Variants in SPIDR observed in about 807,000 individuals in gnomAD.
SPIDR encodes the protein DNA repair-scaffolding protein.
In SPIDR, 93 loss-of-function variants were observed where a neutral mutation model predicts 104.6. That is an observed-to-expected ratio of 0.89 (90% CI 0.75 to 1.06). SPIDR has a LOEUF of 1.06. SPIDR is among the 50% of genes least tolerant of loss of function. SPIDR has a pLI of 0.00. For synonymous variants in SPIDR, 431 were observed against 416.9 expected (o/e 1.03, Z -0.41); for missense variants, 1,154 against 1,111.2 (o/e 1.04, Z -0.55).
chr8:47,391,971 C>A (rs1200652538), intron 5 of SPIDR, among the ~76,000 whole-genome samples: 1 of 131,946 alleles, frequency 7.6e-6, no homozygotes, highest in Non-Finnish European at 1.5e-5. Flanking sequence ...ACTCCAGCCT[C>A]GGCGACAGAG....
chr8:47,625,506 A>G (rs1031750871), intron 10 of SPIDR, among the ~76,000 whole-genome samples: 1 of 152,230 alleles, frequency 6.6e-6, no homozygotes, highest in Non-Finnish European at 1.5e-5. Context: ...TCAGCCCAAA[A>G]TCTCCTTAAG....
intron 10 of SPIDR, among the ~76,000 whole-genome samples, chr8:47,625,400 G>A (rs1198045215): frequency 1.3e-5 from 2 of 152,188 alleles, no homozygotes; most frequent in Non-Finnish European, 2.9e-5. Flanking sequence ...AGTCAGGCAG[G>A]AGAAGGAAAT....
At chr8:47,602,094 C>T (rs2062369018) in intron 10 of SPIDR, among the ~76,000 whole-genome samples, 1 of 152,208 alleles carries the variant, frequency 6.6e-6, no homozygotes, top group Admixed American at 6.5e-5. Context: ...CATTCTAAGG[C>T]AGTTTTTTAT....
chr8:47,433,011 A>G (rs1470328032), intron 7 of SPIDR, among the ~76,000 whole-genome samples: 2 of 152,194 alleles, frequency 1.3e-5, no homozygotes, highest in East Asian at 3.9e-4. Flanking sequence ...TGATACCAGT[A>G]TTCTCATACT....
intron 8 of SPIDR, among the ~76,000 whole-genome samples, chr8:47,481,911 A>G (rs956219229): frequency 1.3e-5 from 2 of 152,228 alleles, no homozygotes; most frequent in African/African-American, 4.8e-5. Context: ...TCTGCCTTCA[A>G]TTGCAAATAG....
chr8:47,585,609 G>T (rs1011197339), intron 8 of SPIDR, among the ~76,000 whole-genome samples: 2 of 152,074 alleles, frequency 1.3e-5, no homozygotes, highest in Non-Finnish European at 2.9e-5. Flanking sequence ...TTATAAAGAA[G>T]AGGGATTTAT....
In SPIDR at chr8:47,644,065, T is replaced by A. The variant is rs542843638; in HGVS notation, c.1545-29736T>A. ...TACCCTCAGTCTGTCCTGGAACCTCTGCATTCCACCCTCAGTCTATCCTGG... is the reference window on the plus strand; with the variant it reads ...TACCCTCAGTCTGTCCTGGAACCTCAGCATTCCACCCTCAGTCTATCCTGG... On this transcript the variant is annotated intron_variant, in intron 10 of 19. Transcript: ENST00000297423. 1.1e-4 allele frequency among the ~76,000 whole-genome samples: 17 copies of A among 152,340 alleles called. No homozygotes were observed. The South Asian group carries it at 3.5e-3, about 32-fold the overall frequency.
intron 11 of SPIDR, among the ~76,000 whole-genome samples, chr8:47,678,579 G>A (rs890995282): frequency 6.6e-6 from 1 of 152,212 alleles, no homozygotes; most frequent in Admixed American, 6.5e-5. Context: ...GAGAGCGGAG[G>A]CTCAGAGCAC....
chr8:47,547,306 C>T (rs2089584722), intron 8 of SPIDR: 1 of 559,924 alleles, frequency 1.8e-6, no homozygotes, highest in African/African-American at 1.9e-5. Context: ...AAAATTCTCT[C>T]CCATCTAGTC....
At chr8:47,532,828 A>G (rs2086253188) in intron 8 of SPIDR, among the ~76,000 whole-genome samples, 1 of 152,258 alleles carries the variant, frequency 6.6e-6, no homozygotes, top group Non-Finnish European at 1.5e-5. Flanking sequence ...AGCAGAATAT[A>G]CATTCTTCTC....
At chr8:47,368,091 A>C (rs891929424) in intron 5 of SPIDR, among the ~76,000 whole-genome samples, 6 of 152,036 alleles carry the variant, frequency 3.9e-5, no homozygotes, top group Non-Finnish European at 5.9e-5. Context: ...CCTGGTTCAT[A>C]GGTAGCCATC....
At chr8:47,565,273 G>A (rs563406538) in intron 8 of SPIDR, among the ~76,000 whole-genome samples, 14 of 152,210 alleles carry the variant, frequency 9.2e-5, no homozygotes, top group African/African-American at 1.7e-4. Flanking sequence ...AGAGAGAAGA[G>A]AGAGAAATTG....
At chr8:47,566,988 A>G (rs769378574) in intron 8 of SPIDR, among the ~76,000 whole-genome samples, 4 of 152,212 alleles carry the variant, frequency 2.6e-5, no homozygotes, top group Non-Finnish European at 5.9e-5. Context: ...AAACTCTAAT[A>G]TATATAAGTC....
At chr8:47,401,894 T>A (rs574350663) in intron 6 of SPIDR, among the ~76,000 whole-genome samples, 20 of 152,192 alleles carry the variant, frequency 1.3e-4, no homozygotes, top group Admixed American at 1.2e-3. Context: ...GGGAGACTTG[T>A]ACACCCCACT....
intron 11 of SPIDR, among the ~76,000 whole-genome samples, chr8:47,691,058 G>A (rs915179449): frequency 6.6e-6 from 1 of 151,928 alleles, no homozygotes; most frequent in Admixed American, 6.6e-5. Flanking sequence ...TTTGGAGGCC[G>A]AGGAGAGCAG....
chr8:47,280,840 C>T (rs2037632147), intron 2 of SPIDR, among the ~76,000 whole-genome samples: 1 of 152,212 alleles, frequency 6.6e-6, no homozygotes, highest in Admixed American at 6.5e-5. Flanking sequence ...GCCCAGCTCA[C>T]ACCTGAACCT....
At chr8:47,552,461 T>G (rs1379131698) in intron 8 of SPIDR, among the ~76,000 whole-genome samples, 1 of 152,222 alleles carries the variant, frequency 6.6e-6, no homozygotes, top group Non-Finnish European at 1.5e-5. Flanking sequence ...GCTCCTGTAT[T>G]GGGTGCATAT....
intron 11 of SPIDR, among the ~76,000 whole-genome samples, chr8:47,675,599 C>A (rs937724525): frequency 1.3e-4 from 19 of 151,992 alleles, no homozygotes; most frequent in Non-Finnish European, 2.4e-4. Flanking sequence ...TCACTTGAGG[C>A]CAGGAGTTTG....
chr8:47,722,597 C>T (rs963881597), intron 16 of SPIDR, among the ~76,000 whole-genome samples: 1 of 152,160 alleles, frequency 6.6e-6, no homozygotes, highest in Non-Finnish European at 1.5e-5. Flanking sequence ...ATCTACCTAC[C>T]TTTGCATCTG....
Sources: gnomAD v4.1 joint callset for allele counts (sites outside exome capture counted in the v4.1 genomes callset) on GRCh38, gnomAD v4.1.1 for gene constraint, MANE v1.5 for transcripts, NCBI Gene and HGNC (gene_info 2026-07-23, HGNC 2026-07-21) for gene names.